LRFN5: variants seen among roughly 807,000 people sequenced by gnomAD.
The protein encoded by LRFN5 is leucine rich repeat and fibronectin type III domain containing 5.
A neutral mutation model predicts 45.6 loss-of-function variants in LRFN5; 24 were observed. The observed-to-expected ratio is 0.53, with a 90% CI of 0.38 to 0.74. The LOEUF (loss-of-function observed/expected upper bound fraction) is 0.74, where lower values mean the gene tolerates loss of function less well. LRFN5 is among the 30% of genes least tolerant of loss of function. The pLI, the probability that LRFN5 is intolerant of heterozygous loss-of-function variation, is 0.00. For missense variants in LRFN5, 776 were observed against 861.5 expected (o/e 0.90, Z 1.24); for synonymous variants, 340 against 313.8 (o/e 1.08, Z -0.88).
In LRFN5 at chr14:41,898,962, T is replaced by A. The variant is rs1458080875; in HGVS notation, c.2142+2T>A. ...GACCAGATTGTCCAGGAAACACAGGTGAGATTCTTATTACCTATAACTTAC... is the reference window on the plus strand; with the variant it reads ...GACCAGATTGTCCAGGAAACACAGGAGAGATTCTTATTACCTATAACTTAC... On this transcript the variant is annotated splice_donor_variant, in intron 5 of 5. Coordinates refer to ENST00000298119, the MANE Select transcript of LRFN5 (RefSeq NM_152447.5). LOFTEE classifies it high-confidence loss of function. 2.5e-6 allele frequency: 4 copies of A among 1,609,140 alleles called. No individual in the cohort carries two copies. The highest frequency in any genetic ancestry group is 3.4e-6 in the Non-Finnish European group (4 of 1,177,192).
chr14:41,782,072 T>TA (rs963068396), intron 2 of LRFN5, among the ~76,000 whole-genome samples: 3 of 151,810 alleles, frequency 2.0e-5, no homozygotes, highest in Non-Finnish European at 2.9e-5. Context: ...GTCTTTAATT[T>TA]AAAAAAAATT....
At chr14:41,743,268 C>T (rs1053350798) in intron 1 of LRFN5, among the ~76,000 whole-genome samples, 1 of 152,132 alleles carries the variant, frequency 6.6e-6, no homozygotes, top group African/African-American at 2.4e-5. Flanking sequence ...AAATCTACAT[C>T]GCCCTACCTT....
intron 1 of LRFN5, among the ~76,000 whole-genome samples, chr14:41,630,088 G>A: frequency 6.6e-6 from 1 of 152,110 alleles, no homozygotes; most frequent in Admixed American, 6.5e-5. Flanking sequence ...TCAGTTATGT[G>A]TAAAGGCATT....
chr14:41,856,443 A>C (rs1429415210), intron 2 of LRFN5, among the ~76,000 whole-genome samples: 1 of 152,012 alleles, frequency 6.6e-6, no homozygotes, highest in African/African-American at 2.4e-5. Flanking sequence ...AAGACATTTA[A>C]ATAGTGCATG....
At chr14:41,820,840 TA>T (rs1383933172) in intron 2 of LRFN5, among the ~76,000 whole-genome samples, 2 of 152,054 alleles carry the variant, frequency 1.3e-5, no homozygotes, top group East Asian at 3.9e-4. Context: ...CCTCCTGGGT[TA>T]AATATATCCT....
intron 4 of LRFN5, among the ~76,000 whole-genome samples, chr14:41,896,256 G>A (rs1219170384): frequency 6.6e-6 from 1 of 152,164 alleles, no homozygotes. Context: ...TAAGAAGACA[G>A]CAAATGCAAG....
intron 2 of LRFN5, among the ~76,000 whole-genome samples, chr14:41,862,861 C>CTTTT (rs536861522): frequency 6.2e-4 from 68 of 110,206 alleles, no homozygotes; most frequent in East Asian, 1.1e-3. Flanking sequence ...TTAAGTCTCT[C>CTTTT]TTTTTTTTTT....
chr14:41,896,486 G>A (rs984302171), intron 4 of LRFN5, among the ~76,000 whole-genome samples: 1 of 152,050 alleles, frequency 6.6e-6, no homozygotes, highest in Non-Finnish European at 1.5e-5. Context: ...ATGTGAAAAG[G>A]ATATTTTTCT....
intron 2 of LRFN5, among the ~76,000 whole-genome samples, chr14:41,810,317 C>G (rs1887693590): frequency 1.3e-5 from 2 of 152,008 alleles, no homozygotes; most frequent in Non-Finnish European, 2.9e-5. Flanking sequence ...TTTTCCTGGC[C>G]TCCCAGGAAG....
At chr14:41,749,041 G>T (rs1345782194) in intron 1 of LRFN5, among the ~76,000 whole-genome samples, 1 of 151,906 alleles carries the variant, frequency 6.6e-6, no homozygotes, top group Non-Finnish European at 1.5e-5. Context: ...AGAATAATTG[G>T]CAAACTCATA....
At position 41,673,776 on chromosome 14, in the gene LRFN5, G is replaced by A. The variant is rs565658473; in HGVS notation, c.-197+65214G>A. On this transcript the variant is annotated intron_variant, in intron 1 of 5. Coordinates refer to ENST00000298119, the MANE Select transcript of LRFN5 (RefSeq NM_152447.5). ...CAGAGGCACCCTTCACCTCCCGGACGGGGCGGCTGGCCGGGCGGGGGGTGA... is the reference window on the plus strand; with the variant it reads ...CAGAGGCACCCTTCACCTCCCGGACAGGGCGGCTGGCCGGGCGGGGGGTGA... Among the ~76,000 whole-genome samples, 3 of 145,748 alleles carry A rather than the reference G, an allele frequency of 2.1e-5. 1 individual carries two copies. Among genetic ancestry groups the A allele is most frequent in the Non-Finnish European group, 3.0e-5 (2 of 66,032 alleles).
chr14:41,738,022 G>A (rs1019340559), intron 1 of LRFN5, among the ~76,000 whole-genome samples: 6 of 152,124 alleles, frequency 3.9e-5, no homozygotes, highest in African/African-American at 1.4e-4. Context: ...AACCAAAAAA[G>A]AGCCTGTATA....
At chr14:41,616,468 T>G (rs1169807313) in intron 1 of LRFN5, among the ~76,000 whole-genome samples, 1 of 152,090 alleles carries the variant, frequency 6.6e-6, no homozygotes, top group African/African-American at 2.4e-5. Context: ...TTCTCACACC[T>G]TTTCCTCTAG....
At chr14:41,696,423 A>G (rs759490226) in intron 1 of LRFN5, among the ~76,000 whole-genome samples, 1 of 151,918 alleles carries the variant, frequency 6.6e-6, no homozygotes, top group Admixed American at 6.6e-5. Context: ...AGCATCACAT[A>G]TTACAGAGAA....
chr14:41,737,244 C>CA (rs775340862), intron 1 of LRFN5, among the ~76,000 whole-genome samples: 4 of 151,976 alleles, frequency 2.6e-5, no homozygotes, highest in East Asian at 1.9e-4. Context: ...GAACCAATGG[C>CA]AAAAAACACA....
chr14:41,873,007 G>C (rs1890069398), intron 2 of LRFN5, among the ~76,000 whole-genome samples: 1 of 152,146 alleles, frequency 6.6e-6, no homozygotes. Flanking sequence ...TCAATGGCTT[G>C]ATTTAAAATT....
intron 1 of LRFN5, among the ~76,000 whole-genome samples, chr14:41,659,667 A>G (rs1208438305): frequency 2.6e-5 from 4 of 152,158 alleles, no homozygotes; most frequent in African/African-American, 4.8e-5. Context: ...CACTCCCACT[A>G]ACAGTGTAAA....
intron 1 of LRFN5, among the ~76,000 whole-genome samples, chr14:41,716,349 T>TGTCAG (rs1318817153): frequency 2.0e-5 from 3 of 152,208 alleles, no homozygotes; most frequent in Non-Finnish European, 2.9e-5. Flanking sequence ...TTTATTGCAT[T>TGTCAG]GTCAGGCTGC....
At chr14:41,672,261 CT>C (rs1881273456) in intron 1 of LRFN5, among the ~76,000 whole-genome samples, 1 of 152,178 alleles carries the variant, frequency 6.6e-6, no homozygotes, top group South Asian at 2.1e-4. Context: ...TTATTACCTT[CT>C]TTTTTGAAGT....
Sources: gnomAD v4.1 joint callset for allele counts (sites outside exome capture counted in the v4.1 genomes callset) on GRCh38, gnomAD v4.1.1 for gene constraint, MANE v1.5 for transcripts, NCBI Gene and HGNC (gene_info 2026-07-23, HGNC 2026-07-21) for gene names.